Variants in ENOX1 observed in about 807,000 individuals in gnomAD.
ENOX1 encodes candidate growth-related and time keeping constitutive hydroquinone (NADH) oxidase.
ENOX1 carries 42 observed loss-of-function variants against 82.5 expected under a neutral mutation model. The observed-to-expected ratio is 0.51, with a 90% confidence interval of 0.40 to 0.66. ENOX1 has a LOEUF of 0.66. ENOX1 is among the 30% of genes least tolerant of loss of function. The probability of loss-of-function intolerance (pLI) is 0.00; values close to 1 mark genes in which losing one functional copy is unlikely to be tolerated. For synonymous variants in ENOX1, 271 were observed against 282.2 expected (o/e 0.96, Z 0.40); for missense variants, 608 against 811.6 (o/e 0.75, Z 3.05).
At chr13:43,241,324 G>A (rs2042818866) in intron 14 of ENOX1, among the ~76,000 whole-genome samples, 1 of 152,186 alleles carries the variant, frequency 6.6e-6, no homozygotes, top group Non-Finnish European at 1.5e-5. Flanking sequence ...AACATGCCCA[G>A]AAGAATGATG....
intron 2 of ENOX1, among the ~76,000 whole-genome samples, chr13:43,576,506 G>A (rs1294581286): frequency 6.6e-6 from 1 of 152,034 alleles, no homozygotes; most frequent in Admixed American, 6.6e-5. Context: ...CATTTAAAAT[G>A]TGCCTAGTTC....
intron 14 of ENOX1, among the ~76,000 whole-genome samples, chr13:43,261,067 G>A (rs1340625657): frequency 1.3e-5 from 2 of 152,190 alleles, no homozygotes; most frequent in Non-Finnish European, 2.9e-5. Context: ...CTTCTCCTGG[G>A]CATGCATTCG....
At chr13:43,271,035 C>G (rs1397607458) in intron 12 of ENOX1, among the ~76,000 whole-genome samples, 1 of 152,202 alleles carries the variant, frequency 6.6e-6, no homozygotes, top group Non-Finnish European at 1.5e-5. Flanking sequence ...GGCCCTAGAA[C>G]AGTTCCAAAG....
At chr13:43,401,969 C>A (rs1303931346) in intron 5 of ENOX1, among the ~76,000 whole-genome samples, 1 of 151,674 alleles carries the variant, frequency 6.6e-6, no homozygotes, top group Non-Finnish European at 1.5e-5. Context: ...AAATCCAGCA[C>A]CTGACAACAT....
At chr13:43,691,151 A>C (rs751217377) in intron 1 of ENOX1, among the ~76,000 whole-genome samples, 3 of 152,072 alleles carry the variant, frequency 2.0e-5, no homozygotes, top group African/African-American at 7.2e-5. Flanking sequence ...TGTCTCCTCT[A>C]TGTCTAGAAA....
chr13:43,573,406 C>T (rs1404964049), intron 2 of ENOX1, among the ~76,000 whole-genome samples: 1 of 152,098 alleles, frequency 6.6e-6, no homozygotes, highest in Non-Finnish European at 1.5e-5. Context: ...TTTGTCTGTA[C>T]CATGGAAATA....
At chr13:43,440,257 C>T (rs17635690) in intron 3 of ENOX1, among the ~76,000 whole-genome samples, 32,428 of 151,850 alleles carry the variant, frequency 0.21, 3,799 homozygotes, top group Middle Eastern at 0.31. Context: ...AACAGTTAGA[C>T]AAAAAACCAC....
In ENOX1 at chr13:43,739,527, C is replaced by G. The variant is rs896446859; in HGVS notation, c.-285+47125G>C. Among the ~76,000 whole-genome samples, 21 of 151,638 alleles carry G rather than the reference C, an allele frequency of 1.4e-4. 1 individual carries two copies. The East Asian group carries it at 3.9e-3, about 28-fold the overall frequency. ...TAGCACCACTGCACTCCAGCCTGGG[C>G]AACCAGAGTGAGAGCCTGTCTCAAA... On this transcript the variant is annotated intron_variant, in intron 1 of 16. Transcript: ENST00000690772.
intron 2 of ENOX1, among the ~76,000 whole-genome samples, chr13:43,658,122 A>G (rs1053799414): frequency 3.9e-5 from 6 of 152,184 alleles, no homozygotes; most frequent in African/African-American, 1.4e-4. Context: ...TCAGGCATAT[A>G]AGAAATATAA....
intron 2 of ENOX1, among the ~76,000 whole-genome samples, chr13:43,525,001 A>G (rs2077927182): frequency 6.6e-6 from 1 of 152,142 alleles, no homozygotes; most frequent in Non-Finnish European, 1.5e-5. Context: ...TCAATCACTC[A>G]ATTAAACAAA....
At chr13:43,775,360 T>C (rs1448856664) in intron 1 of ENOX1, among the ~76,000 whole-genome samples, 1 of 152,156 alleles carries the variant, frequency 6.6e-6, no homozygotes, top group Non-Finnish European at 1.5e-5. Context: ...CAGGCTGCTC[T>C]CGAACTCTTA....
At chr13:43,250,922 G>T (rs1239657954) in intron 14 of ENOX1, among the ~76,000 whole-genome samples, 2 of 152,206 alleles carry the variant, frequency 1.3e-5, no homozygotes, top group Non-Finnish European at 2.9e-5. Flanking sequence ...CCTGTCCTGG[G>T]GTGGAGAGTT....
intron 1 of ENOX1, among the ~76,000 whole-genome samples, chr13:43,735,631 G>A (rs2089587304): frequency 2.6e-5 from 4 of 152,086 alleles, no homozygotes; most frequent in Admixed American, 2.6e-4. Flanking sequence ...TGAGGCAGGA[G>A]AACTGCTTGA....
chr13:43,745,601 C>T (rs1949981156), intron 1 of ENOX1, among the ~76,000 whole-genome samples: 1 of 152,154 alleles, frequency 6.6e-6, no homozygotes, highest in Non-Finnish European at 1.5e-5. Flanking sequence ...ACTAAAATAT[C>T]CATCTATAGA....
chr13:43,246,066 T>C (rs2043067128), intron 14 of ENOX1, among the ~76,000 whole-genome samples: 1 of 152,234 alleles, frequency 6.6e-6, no homozygotes. Context: ...TTCTAGGTCA[T>C]CTTTGGTTAT....
intron 2 of ENOX1, among the ~76,000 whole-genome samples, chr13:43,615,991 C>T: frequency 6.7e-6 from 1 of 149,808 alleles, no homozygotes; most frequent in Non-Finnish European, 1.5e-5. Flanking sequence ...TCCAGTCTAT[C>T]ACTGATAGGC....
At chr13:43,496,816 T>C (rs2076813467) in intron 2 of ENOX1, among the ~76,000 whole-genome samples, 1 of 152,188 alleles carries the variant, frequency 6.6e-6, no homozygotes, top group Non-Finnish European at 1.5e-5. Flanking sequence ...CTTTGTCTAG[T>C]ATCATATTTT....
At chr13:43,607,317 T>A (rs575288191) in intron 2 of ENOX1, among the ~76,000 whole-genome samples, 1 of 152,328 alleles carries the variant, frequency 6.6e-6, no homozygotes, top group South Asian at 2.1e-4. Flanking sequence ...TTTGTGCTTA[T>A]TGTGCATAGA....
intron 2 of ENOX1, among the ~76,000 whole-genome samples, chr13:43,655,860 G>T (rs1232897122): frequency 6.6e-6 from 1 of 152,118 alleles, no homozygotes; most frequent in African/African-American, 2.4e-5. Flanking sequence ...GGGTTTCCTT[G>T]ATTCCACCTT....
Sources: allele counts gnomAD v4.1 joint callset (sites outside exome capture counted in the v4.1 genomes callset), GRCh38; gene constraint gnomAD v4.1.1; transcripts MANE v1.5; gene names NCBI Gene and HGNC (gene_info 2026-07-23, HGNC 2026-07-21).